Variants in TANGO6 observed in about 807,000 individuals in gnomAD.
TANGO6 encodes the protein transport and golgi organization 6 homolog, also known as transport and Golgi organization protein 6 homolog.
Under a neutral mutation model 114.2 loss-of-function variants are expected in TANGO6, and 90 were observed. The ratio of observed to expected loss-of-function variants is 0.79; its 90% CI spans 0.66 to 0.94. The LOEUF (loss-of-function observed/expected upper bound fraction) is 0.94. Among genes scored for constraint, TANGO6 ranks in the 40% least tolerant of loss-of-function variants. The pLI is 0.00. For missense variants in TANGO6, 1,274 were observed against 1,315.3 expected, an observed-to-expected ratio of 0.97 and a Z score of 0.49; for synonymous variants, 477 against 509.8, an observed-to-expected ratio of 0.94 and a Z score of 0.87.
chr16:68,912,130 T>C (rs1962929548), intron 11 of TANGO6, among the ~76,000 whole-genome samples: 1 of 152,188 alleles, frequency 6.6e-6, no homozygotes, highest in African/African-American at 2.4e-5. Context: ...TATGTCAGGG[T>C]AACCAAATGG....
At chr16:68,915,797 A>G (rs890933506) in intron 11 of TANGO6, among the ~76,000 whole-genome samples, 3 of 152,224 alleles carry the variant, frequency 2.0e-5, no homozygotes, top group Non-Finnish European at 4.4e-5. Flanking sequence ...AAGTGTTAAC[A>G]AGCCATTCTC....
At chr16:68,927,502 G>A in intron 12 of TANGO6, 66 bp from the exon 13 acceptor site, 15 of 1,532,324 alleles carry the variant, frequency 9.8e-6, no homozygotes, top group South Asian at 7.4e-5. Context: ...ATGTTTCCTG[G>A]TGCTCAGGTC....
chr16:68,862,982 C>A lies in TANGO6; in HGVS notation c.773C>A (p.Ala258Asp), dbSNP rs1435969074. The change falls in exon 3 of 18, where the codon GCC (alanine) becomes GAC (aspartate). Residue 258 changes from alanine to aspartate, a missense_variant. Coordinates refer to ENST00000261778, the MANE Select transcript of TANGO6 (RefSeq NM_024562.2). ...GAGGAGAGAACCCTATCCAGGGGGG[C>A]CTTGAGAGACATGCTGGATCAAGTC... ...TEEERTLSRG[A>D]LRDMLDQVYQ... is the part of the protein sequence containing the mutation. 2 of 1,600,022 alleles carry A rather than the reference C, an allele frequency of 1.2e-6. No homozygotes were observed. Among genetic ancestry groups the A allele is most frequent in the Admixed American group, 1.7e-5 (1 of 57,924 alleles).
At chr16:68,948,109 C>T (rs1278670444) in intron 14 of TANGO6, 1 of 152,132 alleles carries the variant, frequency 6.6e-6, no homozygotes, top group Non-Finnish European at 1.5e-5. Context: ...GAGTTTTACA[C>T]TAGCTTCATT....
At chr16:68,948,791 C>T (rs1374657466) in intron 14 of TANGO6, among the ~76,000 whole-genome samples, 4 of 152,178 alleles carry the variant, frequency 2.6e-5, no homozygotes, top group African/African-American at 9.7e-5. Flanking sequence ...GTACGTATTA[C>T]CTCACACACT....
intron 15 of TANGO6, among the ~76,000 whole-genome samples, chr16:69,018,309 A>C (rs1305810113): frequency 1.3e-5 from 2 of 150,416 alleles, no homozygotes; most frequent in African/African-American, 4.9e-5. Context: ...ACGCCTGGCT[A>C]ATTTTCTTTT....
At chr16:69,075,644 G>C (rs955573558) in intron 17 of TANGO6, among the ~76,000 whole-genome samples, 7 of 151,720 alleles carry the variant, frequency 4.6e-5, no homozygotes, top group African/African-American at 9.7e-5. Context: ...TGTAGAGATG[G>C]GGTTTCACCA....
intron 17 of TANGO6, among the ~76,000 whole-genome samples, chr16:69,078,710 A>G (rs896417008): frequency 6.6e-6 from 1 of 152,162 alleles, no homozygotes; most frequent in Non-Finnish European, 1.5e-5. Flanking sequence ...AGAGTTGACT[A>G]AGTTAAATAT....
In TANGO6 at chr16:68,988,692, C is replaced by CTTTTTT. The variant is rs397855895; in HGVS notation, c.2842+14540_2842+14545dup. Among the ~76,000 whole-genome samples, 127 of 112,420 alleles carry CTTTTTT rather than the reference C, an allele frequency of 1.1e-3. 3 individuals carry two copies. The highest frequency in any genetic ancestry group is 4.1e-3 in the African/African-American group (115 of 28,134). 73.8% of individuals were successfully genotyped at this position (112,420 alleles called of 152,430 possible). On this transcript the variant is annotated intron_variant, in intron 15 of 17. Coordinates refer to ENST00000261778, the MANE Select transcript of TANGO6 (RefSeq NM_024562.2). ...TAGTTAGAGTTTAAGTTCTCTCTCT[C>CTTTTTT]TTTTTTTTTTTTTTTTTTTTTGAGA...
intron 15 of TANGO6, among the ~76,000 whole-genome samples, chr16:68,976,805 G>A (rs1249119251): frequency 6.6e-6 from 1 of 152,216 alleles, no homozygotes; most frequent in African/African-American, 2.4e-5. Flanking sequence ...GTGTTATAAA[G>A]TATAGCTGTT....
chr16:69,037,284 A>G (rs1959704058), intron 16 of TANGO6, among the ~76,000 whole-genome samples: 1 of 152,176 alleles, frequency 6.6e-6, no homozygotes, highest in Non-Finnish European at 1.5e-5. Context: ...AGGTGGAAGC[A>G]TGACCCGCTC....
intron 17 of TANGO6, among the ~76,000 whole-genome samples, chr16:69,048,669 G>A (rs1276909739): frequency 6.6e-6 from 1 of 152,122 alleles, no homozygotes; most frequent in African/African-American, 2.4e-5. Context: ...TTTATGAATG[G>A]TGGGTTCACC....
At chr16:69,008,103 T>TA (rs962553680) in intron 15 of TANGO6, among the ~76,000 whole-genome samples, 2 of 151,978 alleles carry the variant, frequency 1.3e-5, no homozygotes, top group Middle Eastern at 3.4e-3. Context: ...TCACTTTTTT[T>TA]AAAAAAAAGA....
chr16:68,983,912 T>A (rs1027536271), intron 15 of TANGO6, among the ~76,000 whole-genome samples: 1 of 151,856 alleles, frequency 6.6e-6, no homozygotes, highest in Non-Finnish European at 1.5e-5. Context: ...GGGTGCCTGT[T>A]GTCCCAGCTA....
chr16:68,878,230 AT>A lies in TANGO6; in HGVS notation c.1247del (p.Leu416CysfsTer6). 6.2e-7 allele frequency: 1 copy of A among 1,613,182 alleles called. No individual in the cohort carries two copies. Among genetic ancestry groups the A allele is most frequent in the Non-Finnish European group, 8.5e-7 (1 of 1,179,582 alleles). ...GAACGCCCACATTTGGCAGCAAAGT[AT>A]TTGCTCCAGCCAGTGTTAGCTCCTC... ...SRERPHLAAK[Y>X]LLQPVLAPLH... On this transcript the variant is annotated frameshift_variant, in exon 6 of 18. Coordinates refer to ENST00000261778, the MANE Select transcript of TANGO6 (RefSeq NM_024562.2). LOFTEE classifies it high-confidence loss of function.
At chr16:68,958,001 G>A (rs1001117408) in intron 14 of TANGO6, among the ~76,000 whole-genome samples, 9 of 151,424 alleles carry the variant, frequency 5.9e-5, no homozygotes, top group Non-Finnish European at 1.2e-4. Context: ...GTGAAACCCC[G>A]TTTCCACTAA....
At chr16:68,850,059 C>T (rs1201437093) in intron 1 of TANGO6, among the ~76,000 whole-genome samples, 1 of 150,940 alleles carries the variant, frequency 6.6e-6, no homozygotes, top group Non-Finnish European at 1.5e-5. Context: ...CCACAGCCTC[C>T]GCCTCCCAGG....
chr16:68,980,435 A>ATATATAT (rs1317961639), intron 15 of TANGO6, among the ~76,000 whole-genome samples: 9 of 61,776 alleles, frequency 1.5e-4, no homozygotes, highest in African/African-American at 2.2e-4. Context: ...ATATATATAT[A>ATATATAT]TTTTTTTTTT....
intron 17 of TANGO6, among the ~76,000 whole-genome samples, chr16:69,056,550 A>G (rs568535857): frequency 2.0e-5 from 3 of 152,018 alleles, no homozygotes; most frequent in African/African-American, 7.2e-5. Context: ...ATGTTAGCCT[A>G]TTAAGAAGTC....
Sources: allele counts gnomAD v4.1 joint callset (sites outside exome capture counted in the v4.1 genomes callset), GRCh38; gene constraint gnomAD v4.1.1; transcripts MANE v1.5; gene names NCBI Gene and HGNC (gene_info 2026-07-23, HGNC 2026-07-21).